Variants in AGMO observed in about 807,000 individuals in gnomAD.
AGMO encodes the protein alkylglycerol monooxygenase, also known as glyceryl-ether monooxygenase.
Under a neutral mutation model 60.2 loss-of-function variants are expected in AGMO, and 75 were observed. That is an observed-to-expected ratio of 1.25 (90% confidence interval 1.03 to 1.51). AGMO has a LOEUF of 1.51. Ranked by LOEUF, AGMO falls within the 40% of genes most tolerant of loss-of-function variation. The pLI, the probability that AGMO is intolerant of heterozygous loss-of-function variation, is 0.00. For synonymous variants in AGMO, 261 were observed against 177.1 expected, an observed-to-expected ratio of 1.47 and a Z score of -3.76; for missense variants, 763 against 525.5, an observed-to-expected ratio of 1.45 and a Z score of -4.42.
At chr7:15,505,923 G>A (rs1468356325) in intron 3 of AGMO, among the ~76,000 whole-genome samples, 2 of 151,988 alleles carry the variant, frequency 1.3e-5, no homozygotes, top group African/African-American at 2.4e-5. Context: ...CCAAAATTCA[G>A]TACTTTAAAA....
chr7:15,449,173 C>T (rs1465437014), intron 3 of AGMO, among the ~76,000 whole-genome samples: 2 of 152,108 alleles, frequency 1.3e-5, no homozygotes, highest in African/African-American at 2.4e-5. Context: ...ACCACTAGTG[C>T]CAGATTAGTT....
At chr7:15,357,038 C>A (rs147717136) in intron 12 of AGMO, among the ~76,000 whole-genome samples, 8,319 of 149,334 alleles carry the variant, frequency 0.056, 296 homozygotes, top group Non-Finnish European at 0.086. Context: ...GCAGGAGAAT[C>A]GCTTAAACCT....
intron 12 of AGMO, among the ~76,000 whole-genome samples, chr7:15,308,117 A>G (rs968548584): frequency 7.2e-5 from 11 of 152,062 alleles, no homozygotes; most frequent in Non-Finnish European, 1.5e-4. Flanking sequence ...CCAAAAGAGC[A>G]AATCTATTTA....
intron 2 of AGMO, among the ~76,000 whole-genome samples, chr7:15,546,321 T>TCAATCTCCAA: frequency 6.6e-6 from 1 of 152,290 alleles, no homozygotes; most frequent in South Asian, 2.1e-4. Context: ...ATTAAAAAAC[T>TCAATCTCCAA]CAATCTCCAA....
intron 3 of AGMO, among the ~76,000 whole-genome samples, chr7:15,530,372 A>T (rs1784270851): frequency 7.7e-6 from 1 of 129,998 alleles, no homozygotes; most frequent in Non-Finnish European, 1.6e-5. Flanking sequence ...TATATTCTAT[A>T]TACGTATTTC....
chr7:15,390,944 T>G, intron 6 of AGMO, 39 bp from the exon 7 acceptor site: 1 of 1,306,366 alleles, frequency 7.7e-7, no homozygotes, highest in Non-Finnish European at 1.1e-6. Flanking sequence ...TTCAGAAAAA[T>G]AGTTATGCTT....
intron 12 of AGMO, among the ~76,000 whole-genome samples, chr7:15,263,329 T>A (rs187960797): frequency 2.0e-5 from 3 of 151,806 alleles, no homozygotes; most frequent in Non-Finnish European, 2.9e-5. Flanking sequence ...AGAAAAAAAA[T>A]GTTCAACATC....
At chr7:15,325,532 T>A (rs1781311432) in intron 12 of AGMO, among the ~76,000 whole-genome samples, 1 of 152,084 alleles carries the variant, frequency 6.6e-6, no homozygotes, top group Non-Finnish European at 1.5e-5. Flanking sequence ...AATAAAACAT[T>A]ACACACCTAT....
intron 12 of AGMO, among the ~76,000 whole-genome samples, chr7:15,251,427 G>A (rs554313021): frequency 6.6e-5 from 10 of 152,288 alleles, no homozygotes; most frequent in Non-Finnish European, 1.5e-4. Flanking sequence ...AGCCAAAGAG[G>A]GGAGAGTAAG....
rs757838660 is a variant in AGMO at position 15,201,248 on chromosome 7, A to G, written c.*37T>C. ...ATGCAGTCATAATATGCGTGTGGAC[A>G]ACTCATTAAAAGAAGAGAATTATGT... On this transcript the variant is annotated 3_prime_UTR_variant, in exon 13 of 13. Transcript: ENST00000342526. 1.2e-5 allele frequency: 17 copies of G among 1,436,442 alleles called. No homozygotes were observed. The South Asian group carries it at 2.0e-4, about 17-fold the overall frequency. The allele number at this position is 1,436,442 out of a possible 1,614,324, so 89.0% of individuals were successfully genotyped here.
At chr7:15,174,914 A>G in the AGMO span, among the ~76,000 whole-genome samples, 1 of 151,992 alleles carries the variant, frequency 6.6e-6, no homozygotes, top group Non-Finnish European at 1.5e-5. Context: ...AATATAAGCC[A>G]AACTTAATTC....
chr7:15,406,678 A>G (rs1414683519), intron 5 of AGMO, among the ~76,000 whole-genome samples: 1 of 69,000 alleles, frequency 1.4e-5, no homozygotes, highest in African/African-American at 5.4e-5. Flanking sequence ...ATACATATAT[A>G]TGTGTATATA....
At chr7:15,508,812 C>CA (rs1452840860) in intron 3 of AGMO, among the ~76,000 whole-genome samples, 4 of 151,756 alleles carry the variant, frequency 2.6e-5, no homozygotes, top group Admixed American at 1.3e-4. Context: ...CTGTTTAAGT[C>CA]ATGTAAATAA....
intron 4 of AGMO, among the ~76,000 whole-genome samples, chr7:15,418,919 T>G (rs1240673892): frequency 1.8e-4 from 28 of 151,882 alleles, no homozygotes; most frequent in Non-Finnish European, 1.5e-5. Flanking sequence ...ATTTCCTTAA[T>G]TTTAAAAAGG....
intron 12 of AGMO, among the ~76,000 whole-genome samples, chr7:15,357,587 G>T (rs140669562): frequency 6.6e-6 from 1 of 152,154 alleles, no homozygotes; most frequent in Non-Finnish European, 1.5e-5. Flanking sequence ...GAAATATATA[G>T]AGTCTCTGAG....
the AGMO span, among the ~76,000 whole-genome samples, chr7:15,168,844 T>C: frequency 6.6e-6 from 1 of 152,160 alleles, no homozygotes; most frequent in East Asian, 1.9e-4. Flanking sequence ...AAGCTGGCAA[T>C]TGGTGATGCC....
At chr7:15,339,659 T>A (rs79242632) in intron 12 of AGMO, among the ~76,000 whole-genome samples, 1 of 152,026 alleles carries the variant, frequency 6.6e-6, no homozygotes, top group Non-Finnish European at 1.5e-5. Flanking sequence ...ATAGACTGTT[T>A]ACAGTATCTT....
chr7:15,225,495 G>A (rs186429007), intron 12 of AGMO, among the ~76,000 whole-genome samples: 1 of 151,966 alleles, frequency 6.6e-6, no homozygotes, highest in Admixed American at 6.6e-5. Flanking sequence ...AAAATTGTGT[G>A]AAAATTTACC....
chr7:15,311,194 C>T (rs1012876403), intron 12 of AGMO, among the ~76,000 whole-genome samples: 2 of 152,190 alleles, frequency 1.3e-5, no homozygotes, highest in East Asian at 3.9e-4. Flanking sequence ...AAAAAATTAT[C>T]AAAAGCACTG....
Sources: gnomAD v4.1 joint callset for allele counts (sites outside exome capture counted in the v4.1 genomes callset) on GRCh38, gnomAD v4.1.1 for gene constraint, MANE v1.5 for transcripts, NCBI Gene and HGNC (gene_info 2026-07-23, HGNC 2026-07-21) for gene names.